The following NRIP1 variants were observed in gnomAD, a reference collection of about 807,000 sequenced individuals.
NRIP1 encodes nuclear receptor interacting protein 1.
NRIP1 carries 28 observed loss-of-function variants against 75.0 expected under a neutral mutation model. The observed-to-expected ratio is 0.37, with a 90% CI of 0.28 to 0.51. The LOEUF is 0.51. NRIP1 is among the 20% of genes least tolerant of loss of function. NRIP1 has a pLI of 0.92. For synonymous variants in NRIP1, 526 were observed against 487.6 expected (o/e 1.08, Z -1.04); for missense variants, 1,435 against 1,343.7 (o/e 1.07, Z -1.06).
chr21:14,962,791 G>GA lies in NRIP1; in HGVS notation c.*1924dup, dbSNP rs2086625527. ...GTAGCTATTTACAAATCATTCTGAG[G>GA]AAAAATAACCATTTAGGGTTTTAGA... is the stretch of plus-strand genomic sequence containing the variant. On this transcript the variant is annotated 3_prime_UTR_variant, in exon 4 of 4. Transcript: ENST00000318948. 1 of 152,284 alleles carries GA rather than the reference G, an allele frequency of 6.6e-6. No homozygotes were observed. The highest frequency in any genetic ancestry group is 6.6e-5 in the Admixed American group (1 of 15,214). 9.4% of individuals were successfully genotyped at this position (152,284 alleles called of 1,614,324 possible).
Position 14,997,126 on chromosome 21 carries a change from A to G in NRIP1, c.-335+17218T>C, listed in dbSNP as rs566590612. Among the ~76,000 whole-genome samples, 6 of 152,266 alleles carry G rather than the reference A, an allele frequency of 3.9e-5. No homozygotes were observed. In the South Asian group the frequency reaches 1.0e-3, roughly 26 times the overall value. ...GTCAGATCACCCCAGTCTCCTACAG[A>G]TCTACAAAAAATCTCTAAATGCCAA... On this transcript the variant is annotated intron_variant, in intron 3 of 3. Transcript: ENST00000318948.
At chr21:15,004,272 T>C (rs1046261654) in intron 3 of NRIP1, among the ~76,000 whole-genome samples, 14 of 152,222 alleles carry the variant, frequency 9.2e-5, no homozygotes, top group Admixed American at 6.5e-5. Context: ...TGATTCTACT[T>C]CAGTCAAAAA....
intron 2 of NRIP1, among the ~76,000 whole-genome samples, chr21:15,031,938 T>A (rs2147267606): frequency 7.1e-6 from 1 of 140,400 alleles, no homozygotes; most frequent in South Asian, 2.4e-4. Context: ...CTCTGAAAGG[T>A]GCTCAAAGGA....
At chr21:15,026,572 C>T (rs996919456) in intron 2 of NRIP1, among the ~76,000 whole-genome samples, 7 of 152,074 alleles carry the variant, frequency 4.6e-5, no homozygotes, top group African/African-American at 1.2e-4. Context: ...TATAAAAGAA[C>T]GTTGACATCA....
chr21:14,976,719 G>A (rs1317001341), intron 3 of NRIP1, among the ~76,000 whole-genome samples: 1 of 152,138 alleles, frequency 6.6e-6, no homozygotes, highest in Non-Finnish European at 1.5e-5. Context: ...GTTAAATGAA[G>A]AATGCATCTG....
Position 14,967,471 on chromosome 21 carries a change from T to C in NRIP1, c.722A>G (p.Gln241Arg). 1 of 1,614,142 alleles carries C rather than the reference T, an allele frequency of 6.2e-7. No homozygotes were observed. ...SEPLSCAARL[Q>R]AVASMVEKRA... ...TTTTTCCACCATGCTTGCAACAGCCTGTAATCTTGCAGCACATGACAACGG... is the reference window on the plus strand; with the variant it reads ...TTTTTCCACCATGCTTGCAACAGCCCGTAATCTTGCAGCACATGACAACGG... Residue 241 changes from glutamine to arginine, a missense_variant, in exon 4 of 4, where the codon CAG (glutamine) becomes CGG (arginine). Physicochemically the swap from Gln to Arg is conservative, Grantham distance 43. Transcript: ENST00000318948.
At chr21:15,029,083 C>T (rs1445109305) in intron 2 of NRIP1, among the ~76,000 whole-genome samples, 1 of 152,160 alleles carries the variant, frequency 6.6e-6, no homozygotes, top group Non-Finnish European at 1.5e-5. Flanking sequence ...TCAGCTACTT[C>T]TTACTGTCCC....
At chr21:15,050,446 T>A (rs540782703) in intron 1 of NRIP1, 1 of 316,432 alleles carries the variant, frequency 3.2e-6, no homozygotes, top group East Asian at 8.5e-5. Flanking sequence ...AATATTGGGA[T>A]CTTCCCTTTC....
chr21:14,964,608 A>T lies in NRIP1; in HGVS notation c.*108T>A, dbSNP rs940031017. 5.8e-5 allele frequency: 52 copies of T among 903,470 alleles called. No homozygotes were observed. Among genetic ancestry groups the T allele is most frequent in the Non-Finnish European group, 7.9e-5 (49 of 617,034 alleles). 56.0% of individuals were successfully genotyped at this position (903,470 alleles called of 1,614,324 possible). ...AACCAATACTTTTCAAAATGAAAAAAGTTTCAATTATACCATGCTTTTTTT... is the reference window on the plus strand; with the variant it reads ...AACCAATACTTTTCAAAATGAAAAATGTTTCAATTATACCATGCTTTTTTT... On this transcript the variant is annotated 3_prime_UTR_variant, in exon 4 of 4. Transcript: ENST00000318948.
At chr21:15,010,215 C>G (rs1053186744) in intron 3 of NRIP1, among the ~76,000 whole-genome samples, 14 of 152,144 alleles carry the variant, frequency 9.2e-5, no homozygotes, top group African/African-American at 2.7e-4. Flanking sequence ...CCACAGGCCA[C>G]ATGGTTGAAG....
In NRIP1 at chr21:14,966,037, T is replaced by C; in HGVS notation, c.2156A>G (p.Asn719Ser). ...RRTVLQLLLG[N>S]PNKGKSEKKE... is the part of the protein sequence containing the mutation. ...TTTTTCACTCTTCCCTTTGTTGGGG[T>C]TCCCCAGGAGCAACTGGAGGACAGT... Residue 719 changes from asparagine to serine, a missense_variant, in exon 4 of 4, where the codon AAC becomes AGC. Physicochemically the swap from Asn to Ser is conservative, Grantham distance 46. Transcript: ENST00000318948. 1 of 1,611,898 alleles carries C rather than the reference T, an allele frequency of 6.2e-7. No homozygotes were observed. Among genetic ancestry groups the C allele is most frequent in the South Asian group, 1.1e-5 (1 of 90,676 alleles).
intron 1 of NRIP1, among the ~76,000 whole-genome samples, chr21:15,059,152 G>A (rs1387749607): frequency 6.6e-6 from 1 of 152,126 alleles, no homozygotes; most frequent in Non-Finnish European, 1.5e-5. Flanking sequence ...AGTTGTCTTG[G>A]TCCCAGGAGT....
chr21:15,017,672 G>C (rs940581701), intron 2 of NRIP1, among the ~76,000 whole-genome samples: 3 of 152,072 alleles, frequency 2.0e-5, no homozygotes, highest in African/African-American at 7.2e-5. Context: ...AAAAAGACAG[G>C]GCCTTGACAG....
At position 14,968,499 on chromosome 21, in the gene NRIP1, T is replaced by C. The variant is rs2086821806; in HGVS notation, c.-307A>G. On this transcript the variant is annotated 5_prime_UTR_variant, in exon 4 of 4. Transcript: ENST00000318948. ...ATTCCTTTTCCTTCTTCATCTTTTG[T>C]TCCCCATTAAATGCAAATATCAGTG... The C allele has an allele frequency of 4.0e-6, 1 of 249,284 alleles. No homozygotes were observed. The highest frequency in any genetic ancestry group is 8.3e-6 in the Non-Finnish European group (1 of 120,216). 15.4% of individuals were successfully genotyped at this position (249,284 alleles called of 1,614,324 possible). A position where few individuals can be genotyped will look rare whatever the true frequency, so the allele number is the denominator to read the frequency against.
At chr21:15,016,564 T>A (rs1395704745) in intron 2 of NRIP1, among the ~76,000 whole-genome samples, 1 of 152,172 alleles carries the variant, frequency 6.6e-6, no homozygotes, top group Non-Finnish European at 1.5e-5. Context: ...ATTTTAAAGT[T>A]GGAACAAGAA....
At position 14,967,173 on chromosome 21, in the gene NRIP1, T is replaced by G. The variant is rs2086775862; in HGVS notation, c.1020A>C (p.Lys340Asn). The G allele has an allele frequency of 1.2e-6, 2 of 1,614,114 alleles. No individual in the cohort carries two copies. The highest frequency in any genetic ancestry group is 2.7e-5 in the African/African-American group (2 of 75,050). ...RTSSSKLMASKSSATVFQNPM... is the reference protein window; with the variant it reads ...RTSSSKLMASNSSATVFQNPM... ...GATTTTGAAACACTGTAGCACTACT[T>G]TTGCTAGCCATCAGTTTGCTTGATG... is the stretch of plus-strand genomic sequence containing the variant. The change falls in exon 4 of 4, where the codon AAA (lysine) becomes AAC (asparagine). Residue 340 changes from lysine (K) to asparagine (N), a missense_variant. Coordinates refer to ENST00000318948, the MANE Select transcript of NRIP1 (RefSeq NM_003489.4).
At chr21:15,009,435 T>C (rs1317620252) in intron 3 of NRIP1, among the ~76,000 whole-genome samples, 1 of 152,198 alleles carries the variant, frequency 6.6e-6, no homozygotes, top group Non-Finnish European at 1.5e-5. Flanking sequence ...CATAGTGAGA[T>C]GCTACTAAAA....
chr21:14,993,274 C>A (rs1568964734), intron 3 of NRIP1, among the ~76,000 whole-genome samples: 1 of 151,566 alleles, frequency 6.6e-6, no homozygotes, highest in Non-Finnish European at 1.5e-5. Flanking sequence ...GCTTCCTATA[C>A]TTGACTTCAT....
At position 14,978,000 on chromosome 21, in the gene NRIP1, C is replaced by T. The variant is rs147860370; in HGVS notation, c.-334-9474G>A. Reference sequence around the variant, plus strand: ...AGACACCGGTGACGAAAACAGCTGCCCAGGCTGCTCTCCACTGCAACCTGA... The same window carrying T: ...AGACACCGGTGACGAAAACAGCTGCTCAGGCTGCTCTCCACTGCAACCTGA... On this transcript the variant is annotated intron_variant, in intron 3 of 3. Coordinates refer to ENST00000318948, the MANE Select transcript of NRIP1 (RefSeq NM_003489.4). 2.0e-4 allele frequency among the ~76,000 whole-genome samples: 31 copies of T among 152,286 alleles called. 1 individual carries two copies. In the East Asian group the frequency reaches 5.8e-3, roughly 28 times the overall value.
Sources: allele counts gnomAD v4.1 joint callset (sites outside exome capture counted in the v4.1 genomes callset), GRCh38; gene constraint gnomAD v4.1.1; transcripts MANE v1.5; gene names NCBI Gene and HGNC (gene_info 2026-07-23, HGNC 2026-07-21).